The following ITPR2 variants were observed in gnomAD, a reference collection of about 807,000 sequenced individuals.
ITPR2 encodes the protein inositol 1,4,5-trisphosphate receptor type 2.
Under a neutral mutation model 317.1 loss-of-function variants are expected in ITPR2, and 207 were observed. That is an observed-to-expected ratio of 0.65 (90% CI 0.58 to 0.73). The LOEUF (loss-of-function observed/expected upper bound fraction) is 0.73, where lower values mean the gene tolerates loss of function less well. Ranked by LOEUF, ITPR2 falls within the 30% of genes least tolerant of loss-of-function variation. ITPR2 has a pLI of 0.00. For synonymous variants in ITPR2, 1,156 were observed against 1,149.1 expected (o/e 1.01, Z -0.12); for missense variants, 2,613 against 3,284.0 (o/e 0.80, Z 4.99).
At chr12:26,409,602 G>GA (rs58349799) in intron 52 of ITPR2, among the ~76,000 whole-genome samples, 7 of 149,940 alleles carry the variant, frequency 4.7e-5, no homozygotes, top group South Asian at 2.1e-4. Flanking sequence ...TGTTTTTCTT[G>GA]AAAAAAAAAA....
chr12:26,689,957 A>G (rs1304790865), intron 10 of ITPR2, among the ~76,000 whole-genome samples: 1 of 152,222 alleles, frequency 6.6e-6, no homozygotes, highest in Non-Finnish European at 1.5e-5. Flanking sequence ...AATTATAGTC[A>G]CAAAGAAATA....
Position 26,621,045 on chromosome 12 carries a change from T to C in ITPR2, c.3462+78A>G, listed in dbSNP as rs561717221. ...CAGAATTTTTCTTTATGAACAATTT[T>C]GATTGTAGAGCATGTGGTTATATAT... On this transcript the variant is annotated intron_variant, in intron 26 of 56. Transcript: ENST00000381340. 3.9e-6 allele frequency: 5 copies of C among 1,292,502 alleles called. No homozygotes were observed. The East Asian group carries it at 9.6e-5, about 25-fold the overall frequency. 80.1% of individuals were successfully genotyped at this position (1,292,502 alleles called of 1,614,324 possible). A position where few individuals can be genotyped will look rare whatever the true frequency, so the allele number is the denominator to read the frequency against.
intron 2 of ITPR2, among the ~76,000 whole-genome samples, chr12:26,736,304 G>C (rs983226098): frequency 6.6e-6 from 1 of 152,112 alleles, no homozygotes; most frequent in African/African-American, 2.4e-5. Flanking sequence ...ACCAACGACT[G>C]GGAAAAATAC....
intron 2 of ITPR2, among the ~76,000 whole-genome samples, chr12:26,773,476 C>T (rs575297077): frequency 6.6e-6 from 1 of 152,290 alleles, no homozygotes; most frequent in Admixed American, 6.5e-5. Context: ...AGCTGGAGAG[C>T]TGTTCTTACC....
At chr12:26,649,773 C>CTAGATAGATAGA (rs71069259) in intron 21 of ITPR2, among the ~76,000 whole-genome samples, 55 of 147,504 alleles carry the variant, frequency 3.7e-4, no homozygotes, top group Middle Eastern at 3.4e-3. Flanking sequence ...GATAGATAGA[C>CTAGATAGATAGA]TAGATAGATA....
intron 34 of ITPR2, among the ~76,000 whole-genome samples, chr12:26,576,368 T>TTG (rs200492801): frequency 6.6e-6 from 1 of 151,794 alleles, no homozygotes; most frequent in Non-Finnish European, 1.5e-5. Flanking sequence ...AAAATTACGT[T>TTG]CTCTTTCTTT....
chr12:26,724,716 T>G lies in ITPR2; in HGVS notation c.306A>C (p.Gln102His). The G allele has an allele frequency of 6.2e-7, 1 of 1,606,962 alleles. No homozygotes were observed. The highest frequency in any genetic ancestry group is 8.5e-7 in the Non-Finnish European group (1 of 1,175,008). Residue 102 changes from glutamine (Q) to histidine (H), a missense_variant, in exon 4 of 57, where the codon CAA (glutamine) becomes CAC (histidine). By Grantham distance (24) the Gln-to-His change is conservative. Transcript: ENST00000381340. ...ACAGTTTCTTATTCTCCGATTCATT[T>G]TGTTTTTGTTCCAGTTCTGCAGCGT... Reference protein sequence around the residue: ...LQHAAELEQKQNESENKKLLG... With the variant: ...LQHAAELEQKHNESENKKLLG...
intron 49 of ITPR2, among the ~76,000 whole-genome samples, chr12:26,421,664 G>T (rs192872648): frequency 6.6e-6 from 1 of 152,310 alleles, no homozygotes; most frequent in Non-Finnish European, 1.5e-5. Context: ...TGCCATTATA[G>T]CAAGGGTCCA....
intron 32 of ITPR2, among the ~76,000 whole-genome samples, chr12:26,582,783 T>G (rs1945435440): frequency 6.6e-6 from 1 of 152,326 alleles, no homozygotes; most frequent in Non-Finnish European, 1.5e-5. Context: ...TACAATACTA[T>G]CAACAAACTA....
At chr12:26,647,959 G>C (rs192637137) in intron 21 of ITPR2, among the ~76,000 whole-genome samples, 19 of 151,966 alleles carry the variant, frequency 1.3e-4, no homozygotes, top group Admixed American at 1.2e-3. Context: ...TCTGCTGAGC[G>C]TGCCAACTAT....
At chr12:26,465,585 ATC>A (rs1942151540) in intron 45 of ITPR2, among the ~76,000 whole-genome samples, 1 of 151,532 alleles carries the variant, frequency 6.6e-6, no homozygotes, top group Admixed American at 6.6e-5. Context: ...GGAAAGTGGT[ATC>A]TCTCTGTTCC....
At chr12:26,782,070 A>AGAGAGCGAGC (rs1332997577) in intron 2 of ITPR2, among the ~76,000 whole-genome samples, 2 of 122,610 alleles carry the variant, frequency 1.6e-5, no homozygotes, top group African/African-American at 6.2e-5. Flanking sequence ...AGAGAGAGAG[A>AGAGAGCGAGC]GAGCGAGAGA....
chr12:26,365,445 A>G (rs993710413), intron 55 of ITPR2, among the ~76,000 whole-genome samples: 1 of 152,114 alleles, frequency 6.6e-6, no homozygotes, highest in African/African-American at 2.4e-5. Flanking sequence ...GACTCATGAC[A>G]CAGGAGTTCA....
At chr12:26,688,804 T>C (rs1041034843) in intron 10 of ITPR2, among the ~76,000 whole-genome samples, 2 of 152,062 alleles carry the variant, frequency 1.3e-5, no homozygotes, top group Non-Finnish European at 2.9e-5. Flanking sequence ...TTATCTTGGG[T>C]CTTGGGACCC....
chr12:26,682,174 C>G (rs780937750), intron 12 of ITPR2, 140 bp from the exon 13 acceptor site: 4 of 661,088 alleles, frequency 6.1e-6, no homozygotes, highest in Non-Finnish European at 1.0e-5. Flanking sequence ...GCATCATCCA[C>G]TATGAAAGGC....
chr12:26,475,240 T>C (rs1201228033), intron 45 of ITPR2, 56 bp downstream of exon 45: 4 of 1,597,334 alleles, frequency 2.5e-6, no homozygotes, highest in East Asian at 2.2e-5. Flanking sequence ...AAGCCATGGA[T>C]ACAAAACACG....
In ITPR2 at chr12:26,670,384, C is replaced by G. The variant is rs77076760; in HGVS notation, c.1410-4333G>C. Among the ~76,000 whole-genome samples, 15 of 152,280 alleles carry G rather than the reference C, an allele frequency of 9.9e-5. No individual in the cohort carries two copies. The South Asian group carries it at 3.1e-3, about 32-fold the overall frequency. On this transcript the variant is annotated intron_variant, in intron 13 of 56. Transcript: ENST00000381340. Reference sequence around the variant, plus strand: ...AGGAACGATCAGACAGCAGCACTCACGGTTCACGAAAAACTGCTGTTATAC... The same window carrying G: ...AGGAACGATCAGACAGCAGCACTCAGGGTTCACGAAAAACTGCTGTTATAC...
intron 54 of ITPR2, among the ~76,000 whole-genome samples, chr12:26,397,440 C>T (rs978741815): frequency 6.6e-6 from 1 of 152,002 alleles, no homozygotes; most frequent in Admixed American, 6.6e-5. Context: ...TTCTCACTCC[C>T]TACCCCATGC....
chr12:26,648,827 T>C (rs1315567736), intron 21 of ITPR2: 1 of 152,196 alleles, frequency 6.6e-6, no homozygotes, highest in Non-Finnish European at 1.5e-5. Context: ...ATTTTTCCCA[T>C]GCTTGACAAT....
Sources: allele counts gnomAD v4.1 joint callset (sites outside exome capture counted in the v4.1 genomes callset), GRCh38; gene constraint gnomAD v4.1.1; transcripts MANE v1.5; gene names NCBI Gene and HGNC (gene_info 2026-07-23, HGNC 2026-07-21).